The following KIF24 variants were observed in gnomAD, a reference collection of about 807,000 sequenced individuals.
KIF24 encodes the protein kinesin-like protein KIF24.
KIF24 carries 81 observed loss-of-function variants against 118.9 expected under a neutral mutation model. The ratio of observed to expected loss-of-function variants is 0.68; its 90% CI spans 0.57 to 0.82. The LOEUF (loss-of-function observed/expected upper bound fraction) is 0.82. KIF24 is among the 40% of genes least tolerant of loss of function. The probability of loss-of-function intolerance (pLI) is 0.00; values close to 1 mark genes in which losing one functional copy is unlikely to be tolerated. For missense variants in KIF24, 1,560 were observed against 1,661.6 expected, an observed-to-expected ratio of 0.94 and a Z score of 1.06; for synonymous variants, 599 against 610.0, an observed-to-expected ratio of 0.98 and a Z score of 0.27.
In KIF24 at chr9:34,256,332, T is replaced by A; in HGVS notation, c.3275A>T (p.His1092Leu). The A allele has an allele frequency of 6.2e-7, 1 of 1,613,576 alleles. No homozygotes were observed. ...CTCTTGATCACCAGATGGCACTGTG[T>A]GGCTCACAACTGGGCCCCCTGTGCT... ...AESTGGPVVSHTVPSGDQEAA... is the reference protein window; with the variant it reads ...AESTGGPVVSLTVPSGDQEAA... Residue 1092 changes from histidine (H) to leucine (L), a missense_variant, in exon 11 of 13, where the codon CAC becomes CTC. By Grantham distance (99) the His-to-Leu change is moderately conservative. Coordinates refer to ENST00000402558, the MANE Select transcript of KIF24 (RefSeq NM_194313.4).
intron 1 of KIF24, 88 bp from the exon 2 acceptor site, chr9:34,311,459 AAAAC>A (rs1277458587): frequency 1.3e-5 from 8 of 609,178 alleles, no homozygotes; most frequent in African/African-American, 5.7e-5. Flanking sequence ...ACAAAACCAC[AAAAC>A]AAACATGCAA....
intron 6 of KIF24, among the ~76,000 whole-genome samples, chr9:34,281,542 G>A (rs1423580671): frequency 6.6e-6 from 1 of 152,218 alleles, no homozygotes; most frequent in East Asian, 1.9e-4. Flanking sequence ...GACTAAATGG[G>A]GTAATATTTG....
intron 3 of KIF24, among the ~76,000 whole-genome samples, chr9:34,305,144 T>C (rs987263410): frequency 2.0e-5 from 3 of 152,220 alleles, no homozygotes; most frequent in African/African-American, 7.2e-5. Flanking sequence ...AAAGAATTAT[T>C]GCAAGGTACC....
intron 3 of KIF24, among the ~76,000 whole-genome samples, chr9:34,302,807 CCTCT>C (rs1357019532): frequency 2.0e-5 from 3 of 146,662 alleles, no homozygotes; most frequent in Admixed American, 1.4e-4. Flanking sequence ...ACGGAGTCTC[CCTCT>C]CTCTCCCAGT....
Position 34,311,056 on chromosome 9 carries a change from C to A in KIF24, c.291G>T (p.Gln97His). 1 of 1,613,902 alleles carries A rather than the reference C, an allele frequency of 6.2e-7. No homozygotes were observed. ...SQELRSGPRR[Q>H]LNFDSPADNK... is the part of the protein sequence containing the mutation. ...TGTCAGCAGGAGAATCAAAATTCAG[C>A]TGTCTGCGAGGGCCAGATCTTAATT... is the stretch of plus-strand genomic sequence containing the variant. Residue 97 changes from glutamine to histidine, a missense_variant, in exon 2 of 13, where the codon CAG becomes CAT. Physicochemically the swap from Gln to His is conservative, Grantham distance 24 (BLOSUM62 0). Around this residue, in one of 3 missense-constraint regions of KIF24, gnomAD observed 964 missense variants for 988.0 expected, o/e 0.98. Transcript: ENST00000402558.
At chr9:34,315,897 T>C (rs1261542073) in intron 1 of KIF24, among the ~76,000 whole-genome samples, 1 of 151,884 alleles carries the variant, frequency 6.6e-6, no homozygotes, top group Non-Finnish European at 1.5e-5. Flanking sequence ...GGCATGGTGG[T>C]GTGCGCCTGT....
intron 3 of KIF24, among the ~76,000 whole-genome samples, chr9:34,299,592 T>G (rs914473087): frequency 3.3e-5 from 5 of 152,040 alleles, no homozygotes; most frequent in Non-Finnish European, 7.4e-5. Flanking sequence ...CATGTATTTA[T>G]AGAATATCTC....
At chr9:34,291,815 G>C (rs1836266329) in intron 4 of KIF24, among the ~76,000 whole-genome samples, 1 of 152,010 alleles carries the variant, frequency 6.6e-6, no homozygotes, top group Non-Finnish European at 1.5e-5. Context: ...TCTATGCATT[G>C]TGACAGGAAA....
intron 1 of KIF24, chr9:34,319,108 G>C: frequency 7.1e-7 from 1 of 1,401,766 alleles, no homozygotes; most frequent in Non-Finnish European, 1.0e-6. Flanking sequence ...TGGGTGTCAT[G>C]GTGATGCACC....
intron 6 of KIF24, among the ~76,000 whole-genome samples, chr9:34,285,254 C>T (rs998349373): frequency 2.0e-5 from 3 of 152,066 alleles, no homozygotes; most frequent in Admixed American, 6.6e-5. Flanking sequence ...AAATTAGTTG[C>T]TCTGGAAAAG....
At chr9:34,277,297 A>G (rs1423602507) in intron 6 of KIF24, among the ~76,000 whole-genome samples, 2 of 152,186 alleles carry the variant, frequency 1.3e-5, no homozygotes, top group African/African-American at 2.4e-5. Context: ...ATGTCTGACT[A>G]ATAAGGAACA....
rs575615691 is a variant in KIF24, at chr9:34,255,291, A to C, written c.3873-126T>G. 6.3e-6 allele frequency: 4 copies of C among 636,122 alleles called. No individual in the cohort carries two copies. In the East Asian group the frequency reaches 1.1e-4, roughly 18 times the overall value. 39.4% of individuals were successfully genotyped at this position (636,122 alleles called of 1,614,324 possible). A position where few individuals can be genotyped will look rare whatever the true frequency, so the allele number is the denominator to read the frequency against. On this transcript the variant is annotated intron_variant, in intron 11 of 12. Coordinates refer to ENST00000402558, the MANE Select transcript of KIF24 (RefSeq NM_194313.4). ...GCCGAAAATGGTCAAGGTTTTCACCAAGGCCAGCTTACCAACCAGCTCCCC... is the reference window on the plus strand; with the variant it reads ...GCCGAAAATGGTCAAGGTTTTCACCCAGGCCAGCTTACCAACCAGCTCCCC...
intron 12 of KIF24, 67 bp from the exon 13 acceptor site, chr9:34,254,587 C>T: frequency 3.3e-6 from 5 of 1,519,428 alleles, no homozygotes; most frequent in Non-Finnish European, 2.7e-6. Context: ...TCTGCTTTTT[C>T]AGTCCCTCCT....
In KIF24 at chr9:34,271,916, G is replaced by A. The variant is rs910923324; in HGVS notation, c.1230C>T (p.Gly410=). ...VELLLEVILK[G]SKERSTGATG... is the part of the protein sequence containing the mutation. ...TGGCCCCAGTGCTGCGCTCCTTGCT[G>A]CCCTTTAAGATCACCTGAAAATAAA... The change falls in exon 7 of 13, where the codon GGC becomes GGT. Residue 410 remains glycine (G), a synonymous_variant. Coordinates refer to ENST00000402558, the MANE Select transcript of KIF24 (RefSeq NM_194313.4). 1.9e-6 allele frequency: 3 copies of A among 1,596,838 alleles called. No individual in the cohort carries two copies. In the African/African-American group the frequency reaches 4.0e-5, roughly 21 times the overall value.
At chr9:34,267,519 G>T (rs1010044357) in intron 8 of KIF24, among the ~76,000 whole-genome samples, 2 of 151,914 alleles carry the variant, frequency 1.3e-5, no homozygotes, top group Non-Finnish European at 2.9e-5. Context: ...AATAATACAT[G>T]AGCCACAAAT....
At chr9:34,288,849 CA>C (rs1836147952) in intron 5 of KIF24, among the ~76,000 whole-genome samples, 1 of 8,440 alleles carries the variant, frequency 1.2e-4, no homozygotes, top group Non-Finnish European at 3.9e-4. Flanking sequence ...CCAAATAAAC[CA>C]CACACACACA....
rs879141217 is a variant in KIF24, at chr9:34,259,498, TGCAC to T, written c.1625+94_1625+97del. On this transcript the variant is annotated intron_variant, in intron 10 of 12. Coordinates refer to ENST00000402558, the MANE Select transcript of KIF24 (RefSeq NM_194313.4). ...AGTGGGAGAGACATGTGCATGCACT[TGCAC>T]ACACACACGCGTGCACACATGCTCA... 3.2e-5 allele frequency: 27 copies of T among 856,272 alleles called. No homozygotes were observed. The South Asian group carries it at 3.9e-4, about 12-fold the overall frequency. 53.0% of individuals were successfully genotyped at this position (856,272 alleles called of 1,614,324 possible). A position where few individuals can be genotyped will look rare whatever the true frequency, so the allele number is the denominator to read the frequency against.
upstream of KIF24, among the ~76,000 whole-genome samples, chr9:34,330,769 G>A (rs1837898060): frequency 1.3e-5 from 2 of 152,138 alleles, no homozygotes; most frequent in Admixed American, 1.3e-4. Flanking sequence ...AGACCATCCT[G>A]GCTGACACGG....
Position 34,305,494 on chromosome 9 carries a change from G to T in KIF24, c.813+758C>A, listed in dbSNP as rs563684433. The stretch of plus-strand genomic sequence containing the variant: ...AGTCTCAAAGTCAGCAGAATGAGAA[G>T]TTCACACTGTGAGATGCAAGCAAGA... On this transcript the variant is annotated intron_variant, in intron 3 of 12. Coordinates refer to ENST00000402558, the MANE Select transcript of KIF24 (RefSeq NM_194313.4). Among the ~76,000 whole-genome samples the T allele has an allele frequency of 1.4e-4, 22 of 152,314 alleles. No homozygotes were observed. In the East Asian group the frequency reaches 4.0e-3, roughly 28 times the overall value.
Sources: allele counts gnomAD v4.1 joint callset (sites outside exome capture counted in the v4.1 genomes callset), GRCh38; gene constraint gnomAD v4.1.1; regional missense constraint gnomAD v4.1.1; transcripts MANE v1.5; gene names NCBI Gene and HGNC (gene_info 2026-07-23, HGNC 2026-07-21).